Variants in PPP3R1 observed in about 807,000 individuals in gnomAD.
PPP3R1 encodes the protein calcineurin subunit B type 1.
Under a neutral mutation model 22.6 loss-of-function variants are expected in PPP3R1, and 5 were observed. The observed-to-expected ratio is 0.22, with a 90% CI of 0.12 to 0.46. The LOEUF (loss-of-function observed/expected upper bound fraction) is 0.46. Ranked by LOEUF, PPP3R1 falls within the 20% of genes least tolerant of loss-of-function variation. The pLI is 0.99. For missense variants in PPP3R1, 61 were observed against 203.2 expected (o/e 0.30, Z 4.25); for synonymous variants, 56 against 65.2 (o/e 0.86, Z 0.68).
chr2:68,206,803 G>T (rs1028751497), intron 2 of PPP3R1, among the ~76,000 whole-genome samples: 1 of 152,178 alleles, frequency 6.6e-6, no homozygotes, highest in Non-Finnish European at 1.5e-5. Flanking sequence ...GCACAGGAAA[G>T]AATACAGTAT....
At chr2:68,244,948 G>A (rs1343201644) in intron 1 of PPP3R1, among the ~76,000 whole-genome samples, 2 of 152,206 alleles carry the variant, frequency 1.3e-5, no homozygotes, top group African/African-American at 4.8e-5. Context: ...GCAATCTTAT[G>A]TTTGTCACCT....
At chr2:68,221,181 A>C (rs779226894) in intron 1 of PPP3R1, among the ~76,000 whole-genome samples, 10 of 152,138 alleles carry the variant, frequency 6.6e-5, no homozygotes, top group Non-Finnish European at 1.3e-4. Context: ...AAATACAAAA[A>C]TTAGCTGGGC....
At chr2:68,220,322 A>G (rs1216028292) in intron 1 of PPP3R1, among the ~76,000 whole-genome samples, 2 of 152,204 alleles carry the variant, frequency 1.3e-5, no homozygotes, top group African/African-American at 2.4e-5. Flanking sequence ...GATCTGCATA[A>G]AAGTCTCCTC....
At chr2:68,232,198 T>TA (rs1669924080) in intron 1 of PPP3R1, among the ~76,000 whole-genome samples, 1 of 53,498 alleles carries the variant, frequency 1.9e-5, no homozygotes, top group Non-Finnish European at 2.9e-5. Context: ...TATATACATA[T>TA]TATATACATA....
chr2:68,183,265 G>A (rs1674451945), intron 5 of PPP3R1, among the ~76,000 whole-genome samples: 5 of 152,206 alleles, frequency 3.3e-5, no homozygotes, highest in Admixed American at 2.0e-4. Flanking sequence ...ATGTTCTTGT[G>A]GGTTTCCCAC....
At chr2:68,245,053 A>C (rs1378425435) in intron 1 of PPP3R1, among the ~76,000 whole-genome samples, 1 of 152,136 alleles carries the variant, frequency 6.6e-6, no homozygotes, top group Non-Finnish European at 1.5e-5. Flanking sequence ...CAACTATCCA[A>C]TCAGCTATTA....
At chr2:68,228,022 T>C (rs1669820189) in intron 1 of PPP3R1, among the ~76,000 whole-genome samples, 1 of 152,178 alleles carries the variant, frequency 6.6e-6, no homozygotes, top group East Asian at 1.9e-4. Context: ...CAGAAATCCT[T>C]GCTTTGTTAC....
At chr2:68,237,139 A>C (rs930653) in intron 1 of PPP3R1, among the ~76,000 whole-genome samples, 8 of 151,972 alleles carry the variant, frequency 5.3e-5, no homozygotes, top group East Asian at 3.9e-4. Context: ...AATATCCTGA[A>C]ACATTCTTGA....
chr2:68,252,108 G>C lies in PPP3R1; in HGVS notation c.3+17C>G, dbSNP rs1317569287. Reference sequence around the variant, plus strand: ...AGTAGGGGGAGGGATGGTGCATCGAGGAAGCCAAGGTCTCACCATTTTGCT... The same window carrying C: ...AGTAGGGGGAGGGATGGTGCATCGACGAAGCCAAGGTCTCACCATTTTGCT... On this transcript the variant is annotated intron_variant, in intron 1 of 5. Coordinates refer to ENST00000234310, the MANE Select transcript of PPP3R1 (RefSeq NM_000945.4). 7.0e-6 allele frequency: 10 copies of C among 1,432,392 alleles called. No individual in the cohort carries two copies. Among genetic ancestry groups the C allele is most frequent in the Non-Finnish European group, 8.4e-6 (9 of 1,072,226 alleles). 88.7% of individuals were successfully genotyped at this position (1,432,392 alleles called of 1,614,324 possible).
intron 1 of PPP3R1, among the ~76,000 whole-genome samples, chr2:68,235,480 G>A (rs934458669): frequency 1.3e-5 from 2 of 152,124 alleles, no homozygotes; most frequent in African/African-American, 4.8e-5. Flanking sequence ...GATCCTGTAT[G>A]ACTGGCTACT....
rs560237791 is a variant in PPP3R1, at chr2:68,212,927, AT to A, written c.43+4164del. 3.9e-5 allele frequency among the ~76,000 whole-genome samples: 6 copies of A among 152,328 alleles called. No individual in the cohort carries two copies. In the East Asian group the frequency reaches 1.2e-3, roughly 29 times the overall value. ...CTGCTTCAACTTGCAAGTTATGGAG[AT>A]GGCTTATCTCCTTATACTTGAAGAA... is the stretch of plus-strand genomic sequence containing the variant. On this transcript the variant is annotated intron_variant, in intron 2 of 5. Coordinates refer to ENST00000234310, the MANE Select transcript of PPP3R1 (RefSeq NM_000945.4).
intron 2 of PPP3R1, among the ~76,000 whole-genome samples, chr2:68,194,004 C>T (rs1447625408): frequency 6.6e-6 from 1 of 152,074 alleles, no homozygotes; most frequent in African/African-American, 2.4e-5. Flanking sequence ...CAGAGATACT[C>T]TTTTTCATAT....
intron 2 of PPP3R1, among the ~76,000 whole-genome samples, chr2:68,200,001 T>C (rs2103743333): frequency 6.6e-6 from 1 of 152,316 alleles, no homozygotes; most frequent in South Asian, 2.1e-4. Flanking sequence ...TTCATTAAAT[T>C]TGATAGAATT....
chr2:68,198,168 T>C (rs1674840626), intron 2 of PPP3R1, among the ~76,000 whole-genome samples: 2 of 142,066 alleles, frequency 1.4e-5, no homozygotes, highest in Admixed American at 7.2e-5. Context: ...TGTAAATATA[T>C]ACATACATGT....
At chr2:68,231,639 G>A (rs892576426) in intron 1 of PPP3R1, among the ~76,000 whole-genome samples, 1 of 152,114 alleles carries the variant, frequency 6.6e-6, no homozygotes, top group Non-Finnish European at 1.5e-5. Flanking sequence ...TTTAAAATAC[G>A]TGTAGTTATT....
intron 4 of PPP3R1, 124 bp from the exon 5 acceptor site, chr2:68,186,776 T>A: frequency 1.1e-6 from 1 of 930,188 alleles, no homozygotes; most frequent in Non-Finnish European, 1.6e-6. Context: ...TCTCCTTCCT[T>A]AAAATAGAGT....
At chr2:68,190,878 C>T (rs1674652581) in intron 2 of PPP3R1, among the ~76,000 whole-genome samples, 1 of 152,190 alleles carries the variant, frequency 6.6e-6, no homozygotes, top group African/African-American at 2.4e-5. Flanking sequence ...AAAAGAAGCA[C>T]AAGTCCCCGT....
chr2:68,190,168 G>C (rs539165446), intron 2 of PPP3R1, among the ~76,000 whole-genome samples: 1 of 148,432 alleles, frequency 6.7e-6, no homozygotes, highest in African/African-American at 2.5e-5. Flanking sequence ...TTCGTAAAGA[G>C]GAAGGAGAGT....
rs74497479 is a variant in PPP3R1, at chr2:68,202,290, T to C, written c.44-13600A>G. On this transcript the variant is annotated intron_variant, in intron 2 of 5. Coordinates refer to ENST00000234310, the MANE Select transcript of PPP3R1 (RefSeq NM_000945.4). ...AATTTGTGCTAGATAACGAGATTAC[T>C]ATATGTCATGAACCTCATTACCGAA... is the stretch of plus-strand genomic sequence containing the variant. Among the ~76,000 whole-genome samples the C allele has an allele frequency of 2.7e-4, 41 of 152,362 alleles. No homozygotes were observed. In the East Asian group the frequency reaches 7.9e-3, roughly 29 times the overall value.
Sources: allele counts gnomAD v4.1 joint callset (sites outside exome capture counted in the v4.1 genomes callset), GRCh38; gene constraint gnomAD v4.1.1; transcripts MANE v1.5; gene names NCBI Gene and HGNC (gene_info 2026-07-23, HGNC 2026-07-21).